Variants in VTI1A observed in about 807,000 individuals in gnomAD.
The protein encoded by VTI1A is vesicle transport through interaction with t-SNAREs 1A, also known as vesicle transport through interaction with t-SNAREs homolog 1A.
In VTI1A, 22 loss-of-function variants were observed where a neutral mutation model predicts 34.9. The ratio of observed to expected loss-of-function variants is 0.63; its 90% CI spans 0.45 to 0.90. The LOEUF (loss-of-function observed/expected upper bound fraction) is 0.90. Ranked by LOEUF, VTI1A falls within the 40% of genes least tolerant of loss-of-function variation. VTI1A has a pLI of 0.00. For missense variants in VTI1A, 268 were observed against 275.6 expected (o/e 0.97, Z 0.20); for synonymous variants, 87 against 97.3 (o/e 0.89, Z 0.62).
At chr10:112,664,196 G>T (rs1487263011) in intron 5 of VTI1A, among the ~76,000 whole-genome samples, 1 of 152,198 alleles carries the variant, frequency 6.6e-6, no homozygotes, top group East Asian at 1.9e-4. Context: ...CTTCTGGAGA[G>T]TGTCCTGCAT....
At chr10:112,542,852 G>A (rs911951889) in intron 5 of VTI1A, among the ~76,000 whole-genome samples, 12 of 151,584 alleles carry the variant, frequency 7.9e-5, no homozygotes, top group African/African-American at 1.9e-4. Context: ...AACAGGCCCC[G>A]GTGTGTGATG....
chr10:112,627,802 T>C (rs923020423), intron 5 of VTI1A, among the ~76,000 whole-genome samples: 19 of 152,126 alleles, frequency 1.2e-4, no homozygotes, highest in African/African-American at 4.3e-4. Flanking sequence ...ATTATAATAG[T>C]GAGACAGGCA....
chr10:112,814,193 A>C (rs1853426721), intron 7 of VTI1A, among the ~76,000 whole-genome samples: 1 of 152,216 alleles, frequency 6.6e-6, no homozygotes, highest in Non-Finnish European at 1.5e-5. Flanking sequence ...TGGGGAGCCC[A>C]GCTTCATCTC....
intron 5 of VTI1A, among the ~76,000 whole-genome samples, chr10:112,636,948 C>T (rs1486427006): frequency 1.3e-5 from 2 of 152,070 alleles, no homozygotes; most frequent in African/African-American, 4.8e-5. Flanking sequence ...TCAGAGGAAA[C>T]ATTTCACATT....
At chr10:112,521,819 A>G (rs1308286169) in intron 3 of VTI1A, among the ~76,000 whole-genome samples, 1 of 152,100 alleles carries the variant, frequency 6.6e-6, no homozygotes, top group Non-Finnish European at 1.5e-5. Context: ...ACACTGTGAT[A>G]AACAAAAATT....
chr10:112,852,199 T>G, the VTI1A span, among the ~76,000 whole-genome samples: 1 of 152,174 alleles, frequency 6.6e-6, no homozygotes, highest in African/African-American at 2.4e-5. Flanking sequence ...CCTCAAATAC[T>G]TCTGAGTAGA....
chr10:112,541,027 TATTA>T (rs1387367084), intron 5 of VTI1A, among the ~76,000 whole-genome samples: 5 of 152,244 alleles, frequency 3.3e-5, no homozygotes, highest in Admixed American at 6.5e-5. Context: ...AAACATATTT[TATTA>T]ATTCACAAGG....
intron 7 of VTI1A, among the ~76,000 whole-genome samples, chr10:112,763,580 T>C (rs1851552376): frequency 6.6e-6 from 1 of 152,240 alleles, no homozygotes; most frequent in Non-Finnish European, 1.5e-5. Flanking sequence ...AAGAGCATGT[T>C]GCCCTGCTTT....
intron 7 of VTI1A, among the ~76,000 whole-genome samples, chr10:112,763,823 T>A (rs1851562532): frequency 6.6e-6 from 1 of 152,178 alleles, no homozygotes; most frequent in African/African-American, 2.4e-5. Flanking sequence ...TCACCCTTTT[T>A]CTGCCCACCA....
At chr10:112,852,860 C>G in the VTI1A span, among the ~76,000 whole-genome samples, 1 of 152,102 alleles carries the variant, frequency 6.6e-6, no homozygotes, top group East Asian at 1.9e-4. Flanking sequence ...CTCACTGCAA[C>G]CTCCACCTCC....
Position 112,531,063 on chromosome 10 carries a change from TCACACACACACACACACACACA to T in VTI1A, c.342+3919_342+3940del, listed in dbSNP as rs10670312. Among the ~76,000 whole-genome samples the T allele has an allele frequency of 6.1e-4, 86 of 139,920 alleles. 1 individual carries two copies. The highest frequency in any genetic ancestry group is 3.5e-3 in the Middle Eastern group (1 of 282). 91.8% of individuals were successfully genotyped at this position (139,920 alleles called of 152,430 possible). On this transcript the variant is annotated intron_variant, in intron 4 of 7. Coordinates refer to ENST00000393077, the MANE Select transcript of VTI1A (RefSeq NM_145206.4). Reference sequence around the variant, plus strand: ...TAGTTCTGGGGTCACGTGACACACCTCACACACACACACACACACACACACACACACACACACACACGTGCGC... The same window carrying T: ...TAGTTCTGGGGTCACGTGACACACCTCACACACACACACACACACGTGCGC...
intron 7 of VTI1A, among the ~76,000 whole-genome samples, chr10:112,809,716 A>G (rs1053064156): frequency 6.6e-6 from 1 of 152,242 alleles, no homozygotes; most frequent in African/African-American, 2.4e-5. Context: ...AGAGTCTCTC[A>G]TTTCTTCACT....
intron 7 of VTI1A, among the ~76,000 whole-genome samples, chr10:112,811,526 C>CA (rs897732209): frequency 1.3e-5 from 2 of 150,694 alleles, no homozygotes; most frequent in African/African-American, 2.4e-5. Context: ...ACTAAAAATA[C>CA]AAAAAAAATT....
chr10:112,654,152 G>A (rs7901014), intron 5 of VTI1A, among the ~76,000 whole-genome samples: 8,557 of 152,122 alleles, frequency 0.056, 811 homozygotes, highest in African/African-American at 0.2. Context: ...CTGTAAGTGC[G>A]TATTTGGTTA....
At chr10:112,737,483 C>T (rs1285246084) in intron 7 of VTI1A, 20 of 1,049,392 alleles carry the variant, frequency 1.9e-5, no homozygotes, top group Admixed American at 1.7e-4. Flanking sequence ...AAGTCTCTTC[C>T]GCATCTTCTG....
At chr10:112,643,985 TAAA>T (rs11288631) in intron 5 of VTI1A, among the ~76,000 whole-genome samples, 2 of 145,600 alleles carry the variant, frequency 1.4e-5, no homozygotes, top group African/African-American at 5.0e-5. Flanking sequence ...GAATAGGAGG[TAAA>T]AAAAAAAAAA....
At chr10:112,546,205 A>T (rs1236042485) in intron 5 of VTI1A, among the ~76,000 whole-genome samples, 1 of 80,748 alleles carries the variant, frequency 1.2e-5, no homozygotes, top group African/African-American at 4.9e-5. Flanking sequence ...ATATATGCAT[A>T]CACACACACA....
intron 7 of VTI1A, among the ~76,000 whole-genome samples, chr10:112,789,601 G>C (rs560129711): frequency 6.6e-6 from 1 of 152,136 alleles, no homozygotes; most frequent in East Asian, 1.9e-4. Flanking sequence ...AGCCCTCCCT[G>C]TTCATTTTTC....
chr10:112,454,775 A>T (rs1434231173), intron 1 of VTI1A, among the ~76,000 whole-genome samples: 1 of 151,840 alleles, frequency 6.6e-6, no homozygotes, highest in Admixed American at 6.6e-5. Context: ...TATAATACAT[A>T]TAGCAGTTAC....
Sources: allele counts gnomAD v4.1 joint callset (sites outside exome capture counted in the v4.1 genomes callset), GRCh38; gene constraint gnomAD v4.1.1; transcripts MANE v1.5; gene names NCBI Gene and HGNC (gene_info 2026-07-23, HGNC 2026-07-21).